PTPRD: variants seen among roughly 807,000 people sequenced by gnomAD.
PTPRD encodes receptor-type tyrosine-protein phosphatase delta.
Under a neutral mutation model 214.5 loss-of-function variants are expected in PTPRD, and 34 were observed. The ratio of observed to expected loss-of-function variants is 0.16; its 90% confidence interval spans 0.12 to 0.21. The LOEUF (loss-of-function observed/expected upper bound fraction) is 0.21, where lower values mean the gene tolerates loss of function less well. Ranked by LOEUF, PTPRD falls within the 10% of genes least tolerant of loss-of-function variation. PTPRD has a pLI of 1.00. For missense variants in PTPRD, 2,545 were observed against 2,398.7 expected (o/e 1.06, Z -1.27); for synonymous variants, 1,128 against 845.7 (o/e 1.33, Z -5.79).
intron 12 of PTPRD, among the ~76,000 whole-genome samples, chr9:8,730,147 T>G (rs1453041051): frequency 2.6e-5 from 4 of 152,026 alleles, no homozygotes; most frequent in Non-Finnish European, 5.9e-5. Context: ...TCCCAGCTAC[T>G]CCGGAGGCTG....
At chr9:8,520,831 C>T (rs7024591) in intron 20 of PTPRD, among the ~76,000 whole-genome samples, 31,303 of 152,002 alleles carry the variant, frequency 0.21, 4,660 homozygotes, top group African/African-American at 0.43. Flanking sequence ...TCATCTATTA[C>T]TAGACTATGT....
intron 34 of PTPRD, among the ~76,000 whole-genome samples, chr9:8,440,395 A>C (rs556693270): frequency 6.6e-6 from 1 of 151,720 alleles, no homozygotes; most frequent in Non-Finnish European, 1.5e-5. Flanking sequence ...GGCTCACTGT[A>C]AGCTCTACCT....
At chr9:10,365,239 G>T (rs555239872) in intron 2 of PTPRD, among the ~76,000 whole-genome samples, 1 of 152,030 alleles carries the variant, frequency 6.6e-6, no homozygotes, top group African/African-American at 2.4e-5. Flanking sequence ...CCACTTGCAG[G>T]TTAAAAAATG....
chr9:8,915,342 G>C (rs1394479657), intron 11 of PTPRD, among the ~76,000 whole-genome samples: 1 of 152,124 alleles, frequency 6.6e-6, no homozygotes, highest in African/African-American at 2.4e-5. Context: ...ATAAGTAAAA[G>C]ACAGAACTCT....
intron 14 of PTPRD, among the ~76,000 whole-genome samples, chr9:8,605,376 C>G (rs778647683): frequency 1.3e-5 from 2 of 152,036 alleles, no homozygotes; most frequent in African/African-American, 4.8e-5. Context: ...CTCATTCAAC[C>G]GAACTAGAGA....
At chr9:8,754,087 G>C (rs1469999591) in intron 11 of PTPRD, among the ~76,000 whole-genome samples, 1 of 152,178 alleles carries the variant, frequency 6.6e-6, no homozygotes. Flanking sequence ...AGAGGGTGCA[G>C]TGAGCTGAGA....
chr9:8,333,077 C>A (rs1169453366), intron 43 of PTPRD, among the ~76,000 whole-genome samples: 1 of 152,154 alleles, frequency 6.6e-6, no homozygotes, highest in African/African-American at 2.4e-5. Context: ...TGCCAGATTC[C>A]TGACTGATGT....
chr9:8,437,608 A>G (rs997275887), intron 34 of PTPRD, among the ~76,000 whole-genome samples: 2 of 152,174 alleles, frequency 1.3e-5, no homozygotes, highest in African/African-American at 2.4e-5. Context: ...AAATGGCCAC[A>G]CTAACAACTC....
At chr9:8,999,911 C>A (rs917136615) in intron 11 of PTPRD, among the ~76,000 whole-genome samples, 7 of 151,990 alleles carry the variant, frequency 4.6e-5, no homozygotes, top group Non-Finnish European at 8.8e-5. Context: ...CAACAATTTT[C>A]TAAAAGCCTG....
At chr9:9,511,767 T>C (rs1369051152) in intron 8 of PTPRD, among the ~76,000 whole-genome samples, 1 of 151,826 alleles carries the variant, frequency 6.6e-6, no homozygotes, top group Non-Finnish European at 1.5e-5. Flanking sequence ...TTGTATTCAA[T>C]ACCAAAGATC....
intron 14 of PTPRD, among the ~76,000 whole-genome samples, chr9:8,600,377 G>C (rs1273211217): frequency 6.6e-6 from 1 of 152,066 alleles, no homozygotes; most frequent in Non-Finnish European, 1.5e-5. Context: ...TGCTGCACTG[G>C]GCTCACGGCC....
chr9:9,392,943 G>A (rs1200267509), intron 9 of PTPRD, among the ~76,000 whole-genome samples: 1 of 152,160 alleles, frequency 6.6e-6, no homozygotes, highest in Non-Finnish European at 1.5e-5. Context: ...TGCACACTGG[G>A]AGAATGGGGT....
chr9:9,026,516 G>T (rs1182477840), intron 10 of PTPRD, among the ~76,000 whole-genome samples: 1 of 151,952 alleles, frequency 6.6e-6, no homozygotes, highest in East Asian at 1.9e-4. Context: ...GACACAGCAA[G>T]GTAGTCATGG....
At chr9:9,639,518 C>T (rs1026022040) in intron 7 of PTPRD, among the ~76,000 whole-genome samples, 11 of 152,174 alleles carry the variant, frequency 7.2e-5, no homozygotes, top group South Asian at 2.1e-4. Flanking sequence ...CTCCAAAATA[C>T]GACATTTAGT....
chr9:8,898,000 A>G (rs1566896366), intron 11 of PTPRD, among the ~76,000 whole-genome samples: 2 of 152,040 alleles, frequency 1.3e-5, no homozygotes, highest in African/African-American at 4.8e-5. Flanking sequence ...TTCATGACAC[A>G]TTTTCTCTGA....
intron 5 of PTPRD, among the ~76,000 whole-genome samples, chr9:9,931,366 C>A (rs145916503): frequency 2.0e-5 from 3 of 152,088 alleles, no homozygotes; most frequent in Non-Finnish European, 4.4e-5. Flanking sequence ...TCAGTGGGTG[C>A]GTGCACCGTG....
chr9:10,100,681 A>T (rs940104358), intron 3 of PTPRD, among the ~76,000 whole-genome samples: 1 of 151,648 alleles, frequency 6.6e-6, no homozygotes, highest in Admixed American at 6.6e-5. Context: ...TACATGTTGG[A>T]GCGTTACAGA....
rs796896290 is a variant in PTPRD at position 8,315,943 on chromosome 9, T to C, written c.*1931A>G. On this transcript the variant is annotated 3_prime_UTR_variant, in exon 46 of 46. Coordinates refer to ENST00000381196, the MANE Select transcript of PTPRD (RefSeq NM_002839.4). ...GGAAGAATTGGGGGTAAGATACATA[T>C]ATATATATAGTTTATTTCCCCTTTT... The C allele has an allele frequency of 4.4e-6, 1 of 224,996 alleles. No homozygotes were observed. Among genetic ancestry groups the C allele is most frequent in the South Asian group, 1.8e-4 (1 of 5,450 alleles). The allele number at this position is 224,996 out of a possible 1,614,324, so 13.9% of individuals were successfully genotyped here. A position where few individuals can be genotyped will look rare whatever the true frequency, so the allele number is the denominator to read the frequency against.
intron 2 of PTPRD, among the ~76,000 whole-genome samples, chr9:10,580,767 T>A (rs1176019026): frequency 6.6e-6 from 1 of 152,148 alleles, no homozygotes; most frequent in Non-Finnish European, 1.5e-5. Flanking sequence ...AAAACATGGG[T>A]AGTACACCTA....
Sources: allele counts gnomAD v4.1 joint callset (sites outside exome capture counted in the v4.1 genomes callset), GRCh38; gene constraint gnomAD v4.1.1; transcripts MANE v1.5; gene names NCBI Gene and HGNC (gene_info 2026-07-23, HGNC 2026-07-21).